STON2: variants seen among roughly 807,000 people sequenced by gnomAD.
STON2 encodes the protein stonin-2.
A neutral mutation model predicts 65.7 loss-of-function variants in STON2; 29 were observed. The observed-to-expected ratio is 0.44, with a 90% CI of 0.33 to 0.60. The LOEUF (loss-of-function observed/expected upper bound fraction) is 0.60, where lower values mean the gene tolerates loss of function less well. Among genes scored for constraint, STON2 ranks in the 20% least tolerant of loss-of-function variants. The pLI, the probability that STON2 is intolerant of heterozygous loss-of-function variation, is 0.03. For synonymous variants in STON2, 404 were observed against 414.2 expected (o/e 0.98, Z 0.30); for missense variants, 1,054 against 1,118.1 (o/e 0.94, Z 0.82).
intron 5 of STON2, among the ~76,000 whole-genome samples, chr14:81,292,734 T>C (rs1895606837): frequency 6.6e-6 from 1 of 152,212 alleles, no homozygotes; most frequent in Non-Finnish European, 1.5e-5. Context: ...AGTGTGACAG[T>C]GGACTAATAG....
intron 5 of STON2, among the ~76,000 whole-genome samples, chr14:81,282,730 A>G (rs1339064317): frequency 6.6e-6 from 1 of 152,210 alleles, no homozygotes; most frequent in Non-Finnish European, 1.5e-5. Context: ...TAAAAGTTCA[A>G]AACATCTCTT....
rs1043228212 is a variant in STON2, at chr14:81,264,434, TC to T, written c.*3979del. On this transcript the variant is annotated 3_prime_UTR_variant, in exon 8 of 8. Transcript: ENST00000614646. ...CAGCAAACATTTATTGAATACATAC[TC>T]ATTTTCCTTTATTTCATGAGTATAC... 3.0e-6 allele frequency: 3 copies of T among 985,462 alleles called. No homozygotes were observed. The African/African-American group carries it at 5.2e-5, about 17-fold the overall frequency. 61.0% of individuals were successfully genotyped at this position (985,462 alleles called of 1,614,324 possible).
intron 2 of STON2, among the ~76,000 whole-genome samples, chr14:81,421,990 G>T (rs1451913041): frequency 6.6e-6 from 1 of 152,240 alleles, no homozygotes; most frequent in African/African-American, 2.4e-5. Context: ...GTTTAGCACA[G>T]GATAAACAGC....
rs1235249717 is a variant in STON2, at chr14:81,412,286, A to G, written c.-198-13706T>C. ...CTGGAATTAAAGCAAACAATTAGGA[A>G]GCTGTCAAAACAGTTGAGAAAAGAG... is the stretch of plus-strand genomic sequence containing the variant. On this transcript the variant is annotated intron_variant, in intron 2 of 8. Transcript: ENST00000553821. Among the ~76,000 whole-genome samples, 2 of 140,122 alleles carry G rather than the reference A, an allele frequency of 1.4e-5. 1 individual carries two copies. 91.9% of individuals were successfully genotyped at this position (140,122 alleles called of 152,430 possible). A position where few individuals can be genotyped will look rare whatever the true frequency, so the allele number is the denominator to read the frequency against.
In STON2 at chr14:81,263,226, C is replaced by G; in HGVS notation, c.*5188G>C. On this transcript the variant is annotated 3_prime_UTR_variant, in exon 8 of 8. Coordinates refer to ENST00000614646, the MANE Select transcript of STON2 (RefSeq NM_001394390.1). ...TTTTGAATGTGGCCCAAGACAAATTCGTAAACTTTCTTAAAACATTATGCT... is the reference window on the plus strand; with the variant it reads ...TTTTGAATGTGGCCCAAGACAAATTGGTAAACTTTCTTAAAACATTATGCT... 1 of 936,434 alleles carries G rather than the reference C, an allele frequency of 1.1e-6. No homozygotes were observed. The highest frequency in any genetic ancestry group is 1.3e-6 in the Non-Finnish European group (1 of 785,446). 58.0% of individuals were successfully genotyped at this position (936,434 alleles called of 1,614,324 possible).
At chr14:81,419,400 A>G (rs1006973521) in intron 2 of STON2, among the ~76,000 whole-genome samples, 1 of 152,230 alleles carries the variant, frequency 6.6e-6, no homozygotes, top group African/African-American at 2.4e-5. Context: ...CAGCTGTATC[A>G]CTGACATAAA....
intron 5 of STON2, among the ~76,000 whole-genome samples, chr14:81,316,961 A>G (rs1026985985): frequency 2.6e-5 from 4 of 152,164 alleles, no homozygotes; most frequent in African/African-American, 9.7e-5. Context: ...CAGAGGTTGC[A>G]GTGAGCCGAG....
chr14:81,348,971 T>C (rs1025899591), intron 4 of STON2, among the ~76,000 whole-genome samples: 1 of 152,112 alleles, frequency 6.6e-6, no homozygotes, highest in Non-Finnish European at 1.5e-5. Context: ...AACAAAGGTG[T>C]TAAGAACATA....
rs372729546 is a variant in STON2, at chr14:81,398,279, C to T, written c.88+16G>A. On this transcript the variant is annotated intron_variant, in intron 2 of 7. Transcript: ENST00000614646. ...TTGACAATCTCTTCACTTTAGGAAA[C>T]GAAGGCACTCCTTACCCTGCGAGTG... is the stretch of plus-strand genomic sequence containing the variant. 26 of 1,590,418 alleles carry T rather than the reference C, an allele frequency of 1.6e-5. No individual in the cohort carries two copies. The highest frequency in any genetic ancestry group is 1.3e-4 in the South Asian group (12 of 89,502).
At position 81,395,962 on chromosome 14, in the gene STON2, C is replaced by T. The variant is rs1280163520; in HGVS notation, c.305G>A (p.Trp102Ter). 6.2e-7 allele frequency: 1 copy of T among 1,614,184 alleles called. No individual in the cohort carries two copies. Among genetic ancestry groups the T allele is most frequent in the Non-Finnish European group, 8.5e-7 (1 of 1,180,022 alleles). The change falls in exon 3 of 8, where the codon TGG becomes TAG. Residue 102 changes from tryptophan to a stop codon, truncating the protein, a stop_gained. Coordinates refer to ENST00000614646, the MANE Select transcript of STON2 (RefSeq NM_001394390.1). LOFTEE classifies it high-confidence loss of function. ...PPDLASAISN[W>*]VQFEDDTPWA... ...GGGTGTGTCATCTTCAAACTGAACC[C>T]AGTTGCTGATGGCCGAGGCCAGGTC... is the stretch of plus-strand genomic sequence containing the variant.
At chr14:81,356,439 T>C (rs1595389035) in intron 4 of STON2, among the ~76,000 whole-genome samples, 1 of 152,202 alleles carries the variant, frequency 6.6e-6, no homozygotes, top group Non-Finnish European at 1.5e-5. Flanking sequence ...TTTGCATCAA[T>C]GTTCATCAAG....
rs138719800 is a variant in STON2, at chr14:81,261,340, G to A, written c.*7074C>T. 7.0e-3 allele frequency: 1,065 copies of A among 152,624 alleles called. 12 individuals carry two copies. Among genetic ancestry groups the A allele is most frequent in the African/African-American group, 0.024 (993 of 41,556 alleles). The allele number at this position is 152,624 out of a possible 1,614,324, so 9.5% of individuals were successfully genotyped here. A position where few individuals can be genotyped will look rare whatever the true frequency, so the allele number is the denominator to read the frequency against. ...GAGGGTTTGATCTGTGGGGTAACAC[G>A]AGCAAGCAGGAAGAGGATGCTGGAA... On this transcript the variant is annotated 3_prime_UTR_variant, in exon 8 of 8. Transcript: ENST00000614646.
chr14:81,264,510 A>G lies in STON2; in HGVS notation c.*3904T>C. The G allele has an allele frequency of 1.0e-6, 1 of 985,320 alleles. No homozygotes were observed. The highest frequency in any genetic ancestry group is 1.2e-6 in the Non-Finnish European group (1 of 829,844). The allele number at this position is 985,320 out of a possible 1,614,324, so 61.0% of individuals were successfully genotyped here. On this transcript the variant is annotated 3_prime_UTR_variant, in exon 8 of 8. Transcript: ENST00000614646. ...AGGTGGCTGAACCCTATTATATTCC[A>G]AGCTTTGTGCTAGGTGTTGGAAACA...
At chr14:81,405,277 CT>C (rs1296749322), upstream of STON2, among the ~76,000 whole-genome samples, 2 of 152,044 alleles carry the variant, frequency 1.3e-5, no homozygotes, top group African/African-American at 2.4e-5. Context: ...AATTTTGTAT[CT>C]TATTCAGCTT....
chr14:81,347,615 T>TAAAAAAAA (rs55784716), intron 4 of STON2, among the ~76,000 whole-genome samples: 2 of 72,624 alleles, frequency 2.8e-5, no homozygotes, highest in African/African-American at 1.1e-4. Context: ...AAGAAGACAG[T>TAAAAAAAA]AAAAAAAAAA....
intron 5 of STON2, among the ~76,000 whole-genome samples, chr14:81,321,723 G>A (rs769074732): frequency 2.0e-5 from 3 of 152,168 alleles, no homozygotes; most frequent in Non-Finnish European, 4.4e-5. Flanking sequence ...ACCCCAGGAA[G>A]TTCTAAAAAC....
intron 5 of STON2, among the ~76,000 whole-genome samples, chr14:81,292,886 T>C (rs888783309): frequency 6.6e-6 from 1 of 152,180 alleles, no homozygotes; most frequent in African/African-American, 2.4e-5. Flanking sequence ...AAAGTCAACA[T>C]AGTGAACAAT....
chr14:81,360,338 A>G (rs1340891551), intron 4 of STON2, among the ~76,000 whole-genome samples: 1 of 152,222 alleles, frequency 6.6e-6, no homozygotes, highest in Non-Finnish European at 1.5e-5. Flanking sequence ...CCTATAATTA[A>G]GTGGCATTTA....
intron 4 of STON2, among the ~76,000 whole-genome samples, chr14:81,365,016 CCAGCCCAT>C (rs1898657281): frequency 6.6e-6 from 1 of 152,180 alleles, no homozygotes; most frequent in Admixed American, 6.5e-5. Flanking sequence ...ATCTGAGCCC[CCAGCCCAT>C]CCCATGGAAC....
Sources: gnomAD v4.1 joint callset for allele counts (sites outside exome capture counted in the v4.1 genomes callset) on GRCh38, gnomAD v4.1.1 for gene constraint, MANE v1.5 for transcripts, NCBI Gene and HGNC (gene_info 2026-07-23, HGNC 2026-07-21) for gene names.